CCT6B: variants seen among roughly 807,000 people sequenced by gnomAD.
CCT6B encodes the protein probable T-complex protein 1 subunit zeta-2.
CCT6B carries 49 observed loss-of-function variants against 61.5 expected under a neutral mutation model. The ratio of observed to expected loss-of-function variants is 0.80; its 90% CI spans 0.63 to 1.01. CCT6B has a LOEUF of 1.01. Among genes scored for constraint, CCT6B ranks in the 50% least tolerant of loss-of-function variants. The pLI is 0.00. For missense variants in CCT6B, 666 were observed against 634.7 expected (o/e 1.05, Z -0.53); for synonymous variants, 228 against 214.5 (o/e 1.06, Z -0.55).
chr17:34,944,781 T>C (rs7224987), intron 5 of CCT6B, among the ~76,000 whole-genome samples: 149,920 of 152,280 alleles, frequency 0.98, 73,848 homozygotes, highest in Middle Eastern at 1. Flanking sequence ...AAAAAATTAG[T>C]CGGGCCTGGT....
intron 3 of CCT6B, among the ~76,000 whole-genome samples, chr17:34,957,026 C>A (rs1172078309): frequency 6.6e-6 from 1 of 152,018 alleles, no homozygotes. Context: ...CCAGGCTGGT[C>A]TCAAATTCCT....
intron 8 of CCT6B, 143 bp from the exon 9 acceptor site, chr17:34,939,856 A>G (rs2090140478): frequency 3.2e-6 from 2 of 626,248 alleles, no homozygotes; most frequent in Non-Finnish European, 5.8e-6. Flanking sequence ...AAAATTGTCT[A>G]TATTTATCGA....
intron 1 of CCT6B, among the ~76,000 whole-genome samples, chr17:34,960,448 C>A (rs1327316635): frequency 6.6e-6 from 1 of 152,144 alleles, no homozygotes; most frequent in Non-Finnish European, 1.5e-5. Flanking sequence ...CTAGTGAAGT[C>A]TTATTCTTCT....
intron 5 of CCT6B, among the ~76,000 whole-genome samples, chr17:34,944,684 T>C (rs2090203792): frequency 6.6e-6 from 1 of 152,244 alleles, no homozygotes; most frequent in South Asian, 2.1e-4. Flanking sequence ...CCCAGCACTT[T>C]GGGAGGCCGA....
Position 34,928,076 on chromosome 17 carries a change from A to G in CCT6B, c.1565T>C (p.Met522Thr). The G allele has an allele frequency of 1.2e-6, 2 of 1,612,180 alleles. No homozygotes were observed. Among genetic ancestry groups the G allele is most frequent in the Admixed American group, 1.7e-5 (1 of 59,690 alleles). ...TTTGAGAGAAGACATCCCAGCTCGC[A>G]TAATTTCATCAACCAGGAGAATGTT... Reference protein sequence around the residue: ...ATNILLVDEIMRAGMSSLK With the variant: ...ATNILLVDEITRAGMSSLK Residue 522 changes from methionine to threonine, a missense_variant, in exon 14 of 14, where the codon ATG becomes ACG. Met to Thr is a moderately conservative substitution (Grantham distance 81). Transcript: ENST00000314144.
intron 3 of CCT6B, 30 bp from the exon 4 acceptor site, chr17:34,954,629 T>C (rs1348850615): frequency 6.5e-7 from 1 of 1,548,900 alleles, no homozygotes; most frequent in Non-Finnish European, 8.7e-7. Flanking sequence ...TTATAAATTA[T>C]AAAATAAGTC....
chr17:34,947,158 G>A (rs2090233436), intron 5 of CCT6B, among the ~76,000 whole-genome samples: 1 of 152,040 alleles, frequency 6.6e-6, no homozygotes, highest in Non-Finnish European at 1.5e-5. Flanking sequence ...AAGACAGCAA[G>A]ACAAAAAGTA....
intron 3 of CCT6B, among the ~76,000 whole-genome samples, chr17:34,957,332 C>T (rs2090360010): frequency 6.6e-6 from 1 of 151,914 alleles, no homozygotes; most frequent in Non-Finnish European, 1.5e-5. Flanking sequence ...TTAGCAGAGA[C>T]AGGGTTTCTC....
intron 4 of CCT6B, among the ~76,000 whole-genome samples, chr17:34,953,133 G>C (rs1328884666): frequency 6.6e-6 from 1 of 151,792 alleles, no homozygotes; most frequent in Non-Finnish European, 1.5e-5. Context: ...AAATTATTAA[G>C]GTAGTATTCT....
Position 34,939,282 on chromosome 17 carries a change from CAG to C in CCT6B, c.1112_1113del (p.Ser371CysfsTer6). ...TTTGGTCCTTTAACCAACAAGGTAA[CAG>C]AGCAAGGGTTAACACACTCCTCAAT... ...TFIEECVNPCSVTLLVKGPNK... is the reference protein window; with the variant it reads ...TFIEECVNPCXVTLLVKGPNK... On this transcript the variant is annotated frameshift_variant, in exon 10 of 14. Transcript: ENST00000314144. LOFTEE classifies it high-confidence loss of function. The C allele has an allele frequency of 6.2e-7, 1 of 1,613,878 alleles. No homozygotes were observed. Among genetic ancestry groups the C allele is most frequent in the Non-Finnish European group, 8.5e-7 (1 of 1,179,902 alleles).
intron 12 of CCT6B, among the ~76,000 whole-genome samples, chr17:34,929,300 T>C (rs1189415580): frequency 6.6e-6 from 1 of 152,046 alleles, no homozygotes; most frequent in African/African-American, 2.4e-5. Context: ...GTGGCTCCTT[T>C]TCTGATTACT....
At chr17:34,931,670 G>GA (rs1242775841) in intron 11 of CCT6B, among the ~76,000 whole-genome samples, 1 of 151,980 alleles carries the variant, frequency 6.6e-6, no homozygotes, top group Non-Finnish European at 1.5e-5. Context: ...TCTGGGGAAA[G>GA]AAAAAATAGC....
rs1408333616 is a variant in CCT6B at position 34,932,480 on chromosome 17, C to T, written c.1234G>A (p.Gly412Ser). ...TCAGCCATTGCCACTTCAATTGCAC[C>T]AGCTCCAGGAACCATACAACCTATT... ...IEDGCMVPGAGAIEVAMAEAL... is the reference protein window; with the variant it reads ...IEDGCMVPGASAIEVAMAEAL... Residue 412 changes from glycine to serine, a missense_variant, in exon 11 of 14, where the codon GGT (glycine) becomes AGT (serine). Transcript: ENST00000314144. The T allele has an allele frequency of 6.2e-7, 1 of 1,610,090 alleles. No individual in the cohort carries two copies. The highest frequency in any genetic ancestry group is 1.7e-5 in the Admixed American group (1 of 59,492).
chr17:34,936,014 G>A (rs2090089889), intron 10 of CCT6B, among the ~76,000 whole-genome samples: 1 of 151,886 alleles, frequency 6.6e-6, no homozygotes, highest in African/African-American at 2.4e-5. Context: ...CCAGTGGCAC[G>A]ATCTCGGCTC....
intron 5 of CCT6B, chr17:34,944,444 T>C (rs2090201052): frequency 6.6e-6 from 1 of 152,208 alleles, no homozygotes; most frequent in South Asian, 2.1e-4. Flanking sequence ...TAACAATTCC[T>C]ATCATTAATA....
Position 34,942,650 on chromosome 17 carries a change from G to T in CCT6B, c.726-7C>A. The T allele has an allele frequency of 6.4e-7, 1 of 1,571,600 alleles. No individual in the cohort carries two copies. The highest frequency in any genetic ancestry group is 8.6e-7 in the Non-Finnish European group (1 of 1,165,984). On this transcript the variant is annotated splice_polypyrimidine_tract_variant and splice_region_variant and intron_variant, in intron 6 of 13. Coordinates refer to ENST00000314144, the MANE Select transcript of CCT6B (RefSeq NM_006584.4). ...GAAACCAGAGTTCACCTCTCTAAAA[G>T]ATTAATAAAAACCAGCTAGTAAAGG...
intron 4 of CCT6B, among the ~76,000 whole-genome samples, chr17:34,954,070 A>T (rs1425167354): frequency 1.3e-5 from 2 of 152,220 alleles, no homozygotes; most frequent in Non-Finnish European, 2.9e-5. Flanking sequence ...TACAAGGTAC[A>T]CTGCTAAAAC....
intron 5 of CCT6B, among the ~76,000 whole-genome samples, chr17:34,948,093 G>C (rs183597609): frequency 6.6e-6 from 1 of 151,954 alleles, no homozygotes; most frequent in East Asian, 1.9e-4. Context: ...GTGGTGTTTG[G>C]TTACATGACT....
intron 10 of CCT6B, 145 bp downstream of exon 10, chr17:34,939,038 C>G (rs1474169579): frequency 3.6e-6 from 2 of 562,252 alleles, no homozygotes; most frequent in Non-Finnish European, 5.8e-6. Context: ...GGGCTGAGAT[C>G]GCACCACTGC....
Sources: gnomAD v4.1 joint callset for allele counts (sites outside exome capture counted in the v4.1 genomes callset) on GRCh38, gnomAD v4.1.1 for gene constraint, MANE v1.5 for transcripts, NCBI Gene and HGNC (gene_info 2026-07-23, HGNC 2026-07-21) for gene names.